The following LAMA1 variants were observed in gnomAD, a reference collection of about 807,000 sequenced individuals.
LAMA1 encodes laminin subunit alpha 1, also known as laminin subunit alpha-1.
In LAMA1, 219 loss-of-function variants were observed where a neutral mutation model predicts 348.7. That is an observed-to-expected ratio of 0.63 (90% CI 0.56 to 0.70). LAMA1 has a LOEUF of 0.70. Among genes scored for constraint, LAMA1 ranks in the 30% least tolerant of loss-of-function variants. The pLI, the probability that LAMA1 is intolerant of heterozygous loss-of-function variation, is 0.00. For missense variants in LAMA1, 3,744 were observed against 3,888.0 expected, an observed-to-expected ratio of 0.96 and a Z score of 0.99; for synonymous variants, 1,487 against 1,491.0, an observed-to-expected ratio of 1.00 and a Z score of 0.06.
At chr18:6,968,917 G>C (rs973815913) in intron 48 of LAMA1, among the ~76,000 whole-genome samples, 1 of 152,114 alleles carries the variant, frequency 6.6e-6, no homozygotes, top group African/African-American at 2.4e-5. Context: ...AACAGAAAGG[G>C]ACAAGGAATT....
At chr18:7,095,042 G>A (rs189765731) in intron 1 of LAMA1, among the ~76,000 whole-genome samples, 3 of 148,534 alleles carry the variant, frequency 2.0e-5, no homozygotes, top group African/African-American at 5.0e-5. Flanking sequence ...GATTCTATCC[G>A]ATTCCAGCAA....
intron 23 of LAMA1, 48 bp from the exon 24 acceptor site, chr18:7,012,186 T>A: frequency 1.3e-6 from 2 of 1,591,132 alleles, no homozygotes; most frequent in Non-Finnish European, 1.7e-6. Flanking sequence ...AAAAGAGATG[T>A]GATTTCTGAA....
At chr18:7,043,194 TGAA>T (rs1568043694) in intron 8 of LAMA1, 30 bp downstream of exon 8, 3 of 1,610,280 alleles carry the variant, frequency 1.9e-6, no homozygotes, top group South Asian at 1.1e-5. Flanking sequence ...GGGAAGATGA[TGAA>T]GATCAGCAAT....
chr18:6,954,909 G>A (rs1393658139), intron 57 of LAMA1: 2 of 272,910 alleles, frequency 7.3e-6, no homozygotes, highest in African/African-American at 2.2e-5. Flanking sequence ...GGGTCCCAGG[G>A]ACAGGCAGGT....
intron 40 of LAMA1, 135 bp downstream of exon 40, chr18:6,982,964 T>C: frequency 8.6e-7 from 1 of 1,164,366 alleles, no homozygotes. Context: ...GATCATATGA[T>C]GACAGAAGCC....
rs199854892 is a variant in LAMA1, at chr18:7,050,867, G to A, written c.415C>T (p.Arg139Cys). 243 of 1,614,032 alleles carry A rather than the reference G, an allele frequency of 1.5e-4. No individual in the cohort carries two copies. The highest frequency in any genetic ancestry group is 1.7e-4 in the Non-Finnish European group (195 of 1,180,048). The change falls in exon 4 of 63, where the codon CGT (arginine) becomes TGT (cysteine). Residue 139 changes from arginine (R) to cysteine (C), a missense_variant. By Grantham distance (180) the Arg-to-Cys change is radical (BLOSUM62 -3). Coordinates refer to ENST00000389658, the MANE Select transcript of LAMA1 (RefSeq NM_005559.4). The part of the protein sequence containing the change: ...APRPGNWILE[R>C]SLDGTTFSPW... ...CTGAACGTGGTGCCATCCAGAGAAC[G>A]CTCCAAAATCCAGTTTCCAGGTCGA...
intron 10 of LAMA1, among the ~76,000 whole-genome samples, chr18:7,039,414 A>G (rs2058010724): frequency 1.3e-5 from 2 of 151,730 alleles, no homozygotes. Context: ...GCCAAATAAA[A>G]CCCCTCACTG....
intron 55 of LAMA1, among the ~76,000 whole-genome samples, chr18:6,957,926 G>A (rs1333581142): frequency 1.3e-5 from 2 of 152,092 alleles, no homozygotes; most frequent in Non-Finnish European, 1.5e-5. Context: ...GATTACAGGT[G>A]CCTGCCACCA....
intron 1 of LAMA1, 95 bp from the exon 2 acceptor site, chr18:7,080,552 G>A (rs935470875): frequency 3.2e-6 from 4 of 1,246,846 alleles, no homozygotes; most frequent in Non-Finnish European, 4.6e-6. Flanking sequence ...AAAGGAGATT[G>A]AAAGTCTATG....
At position 6,943,303 on chromosome 18, in the gene LAMA1, C is replaced by T; in HGVS notation, c.8944G>A (p.Ala2982Thr). Residue 2982 changes from alanine (A) to threonine (T), a missense_variant, in exon 62 of 63, where the codon GCT becomes ACT. By Grantham distance (58) the Ala-to-Thr change is moderately conservative (BLOSUM62 0). Transcript: ENST00000389658. ...GTGATACGGTGTTTGCTTTTGTTAG[C>T]TTGAAGAGTGTGCCATTTTCCATCA... ...LCDGKWHTLQ[A>T]NKSKHRITLI... 6.2e-7 allele frequency: 1 copy of T among 1,614,208 alleles called. No homozygotes were observed. The highest frequency in any genetic ancestry group is 8.5e-7 in the Non-Finnish European group (1 of 1,180,040).
chr18:7,009,219 A>T lies in LAMA1; in HGVS notation c.4001+20T>A, dbSNP rs751925312. On this transcript the variant is annotated intron_variant, in intron 27 of 62. Coordinates refer to ENST00000389658, the MANE Select transcript of LAMA1 (RefSeq NM_005559.4). Reference sequence around the variant, plus strand: ...TTCAAATATGAAAATAACGGTCAAAATTCTAGAAGCTCCAAGTACCTGCTC... The same window carrying T: ...TTCAAATATGAAAATAACGGTCAAATTTCTAGAAGCTCCAAGTACCTGCTC... 18 of 1,614,010 alleles carry T rather than the reference A, an allele frequency of 1.1e-5. No homozygotes were observed. In the East Asian group the frequency reaches 4.0e-4, roughly 36 times the overall value.
At chr18:7,040,543 G>A (rs1183480733) in intron 9 of LAMA1, among the ~76,000 whole-genome samples, 1 of 152,168 alleles carries the variant, frequency 6.6e-6, no homozygotes, top group Non-Finnish European at 1.5e-5. Context: ...GATGAAACCC[G>A]TGGAGGGAGC....
intron 13 of LAMA1, 55 bp downstream of exon 13, chr18:7,035,932 C>T: frequency 7.0e-7 from 1 of 1,431,228 alleles, no homozygotes; most frequent in Non-Finnish European, 9.8e-7. Context: ...CAGTCATAAA[C>T]TATCAGCCCA....
rs1325091294 is a variant in LAMA1, at chr18:6,978,224, G to T, written c.6162C>A (p.His2054Gln). ...SRVNTTLRET[H>Q]QLLQDSTMAT... ...CCATGGTGGAGTCCTGCAGAAGCTG[G>T]TGTGTCTCTCGTAATGTGGTGTTGA... Residue 2054 changes from histidine (H) to glutamine (Q), a missense_variant, in exon 43 of 63, where the codon CAC (histidine) becomes CAA (glutamine). Physicochemically the swap from His to Gln is conservative, Grantham distance 24. This residue lies in a region of LAMA1 where 1,983 missense variants were observed against 1,934.3 expected (regional missense o/e 1.03). Coordinates refer to ENST00000389658, the MANE Select transcript of LAMA1 (RefSeq NM_005559.4). 1.2e-6 allele frequency: 2 copies of T among 1,614,232 alleles called. No homozygotes were observed. Among genetic ancestry groups the T allele is most frequent in the Non-Finnish European group, 1.7e-6 (2 of 1,180,054 alleles).
chr18:7,083,392 G>A (rs1177854040), intron 1 of LAMA1, among the ~76,000 whole-genome samples: 1 of 151,718 alleles, frequency 6.6e-6, no homozygotes, highest in Non-Finnish European at 1.5e-5. Flanking sequence ...CACCATGTTG[G>A]TCAGGCTGGT....
chr18:7,097,211 C>G (rs1333631297), intron 1 of LAMA1, among the ~76,000 whole-genome samples: 1 of 151,560 alleles, frequency 6.6e-6, no homozygotes, highest in African/African-American at 2.4e-5. Context: ...CACAGAAGGG[C>G]TGGATCAGCT....
intron 3 of LAMA1, among the ~76,000 whole-genome samples, chr18:7,067,979 G>A (rs1054803981): frequency 6.6e-6 from 1 of 152,098 alleles, no homozygotes; most frequent in Admixed American, 6.5e-5. Context: ...TCAGCCTCCT[G>A]AGTAGGTGGC....
intron 3 of LAMA1, among the ~76,000 whole-genome samples, chr18:7,075,895 C>A (rs898429557): frequency 2.2e-4 from 33 of 151,586 alleles, no homozygotes; most frequent in Admixed American, 1.3e-4. Context: ...CGAGATCACG[C>A]CAATGCACTC....
chr18:6,979,689 GGA>G (rs1438204176), intron 42 of LAMA1, among the ~76,000 whole-genome samples: 3 of 152,124 alleles, frequency 2.0e-5, no homozygotes, highest in African/African-American at 7.2e-5. Context: ...CACGAGGTCA[GGA>G]GATCGAGACC....
Sources: gnomAD v4.1 joint callset for allele counts (sites outside exome capture counted in the v4.1 genomes callset) on GRCh38, gnomAD v4.1.1 for gene constraint, gnomAD v4.1.1 regional missense constraint, MANE v1.5 for transcripts, NCBI Gene and HGNC (gene_info 2026-07-23, HGNC 2026-07-21) for gene names.